ADAMTS10: variants seen among roughly 807,000 people sequenced by gnomAD.
The protein encoded by ADAMTS10 is A disintegrin and metalloproteinase with thrombospondin motifs 10.
A neutral mutation model predicts 135.9 loss-of-function variants in ADAMTS10; 48 were observed. The observed-to-expected ratio is 0.35, with a 90% CI of 0.28 to 0.45. ADAMTS10 has a LOEUF of 0.45. ADAMTS10 is among the 20% of genes least tolerant of loss of function. The pLI, the probability that ADAMTS10 is intolerant of heterozygous loss-of-function variation, is 1.00. For synonymous variants in ADAMTS10, 621 were observed against 647.5 expected, an observed-to-expected ratio of 0.96 and a Z score of 0.62; for missense variants, 1,131 against 1,565.2, an observed-to-expected ratio of 0.72 and a Z score of 4.68.
intron 15 of ADAMTS10, among the ~76,000 whole-genome samples, chr19:8,590,436 G>C (rs1555738648): frequency 2.0e-5 from 3 of 151,918 alleles, no homozygotes; most frequent in African/African-American, 7.3e-5. Context: ...ACTATGCCTG[G>C]CTAATTTTTG....
intron 1 of ADAMTS10, 152 bp from the exon 2 acceptor site, chr19:8,608,400 C>T (rs1407951227): frequency 1.3e-5 from 2 of 152,228 alleles, no homozygotes; most frequent in African/African-American, 4.8e-5. Context: ...TCCTAATGAA[C>T]CCCCTCCAAC....
At chr19:8,584,782 A>G (rs2042400613) in intron 25 of ADAMTS10, 113 bp downstream of exon 25, 22 of 1,406,642 alleles carry the variant, frequency 1.6e-5, no homozygotes, top group Non-Finnish European at 1.8e-5. Context: ...GAGACACAGC[A>G]ATGCATTTCC....
intron 18 of ADAMTS10, 41 bp downstream of exon 18, chr19:8,589,201 G>C: frequency 6.2e-7 from 1 of 1,610,904 alleles, no homozygotes; most frequent in Non-Finnish European, 8.5e-7. Flanking sequence ...CAGTCAGCTG[G>C]CCCATGCAGG....
At chr19:8,592,137 G>C (rs1555739134) in intron 13 of ADAMTS10, 34 bp from the exon 14 acceptor site, 3 of 1,613,246 alleles carry the variant, frequency 1.9e-6, no homozygotes, top group East Asian at 4.5e-5. Flanking sequence ...AGTGAGTCCA[G>C]CCCGGAGGAC....
At chr19:8,594,340 C>T (rs923683739) in intron 12 of ADAMTS10, among the ~76,000 whole-genome samples, 2 of 152,176 alleles carry the variant, frequency 1.3e-5, no homozygotes, top group Non-Finnish European at 2.9e-5. Context: ...TAAGAAAGGA[C>T]TTGCACCAAT....
rs947973449 is a variant in ADAMTS10, at chr19:8,600,812, C to T, written c.810+116G>A. 22 of 1,352,760 alleles carry T rather than the reference C, an allele frequency of 1.6e-5. No homozygotes were observed. The South Asian group carries it at 2.4e-4, about 15-fold the overall frequency. 83.8% of individuals were successfully genotyped at this position (1,352,760 alleles called of 1,614,324 possible). ...CGCGCCCGGCCTGCAACCTTCCTTT[C>T]TACCCCTGTCCCCACGTCAGGGATT... On this transcript the variant is annotated intron_variant, in intron 6 of 25. Transcript: ENST00000597188.
rs2042482953 is a variant in ADAMTS10, at chr19:8,589,228, C to G, written c.2158+14G>C. 2 of 1,612,222 alleles carry G rather than the reference C, an allele frequency of 1.2e-6. No individual in the cohort carries two copies. The highest frequency in any genetic ancestry group is 1.7e-6 in the Non-Finnish European group (2 of 1,179,970). ...CCATGCAGGGAGTGTGGGAGGGAAG[C>G]TGGAGACTCTCACCGGCCCCAGGTG... is the stretch of plus-strand genomic sequence containing the variant. On this transcript the variant is annotated intron_variant, in intron 18 of 25. Coordinates refer to ENST00000597188, the MANE Select transcript of ADAMTS10 (RefSeq NM_030957.4).
rs1555742522 is a variant in ADAMTS10 at position 8,605,762 on chromosome 19, C to A, written c.-52G>T. Reference sequence around the variant, plus strand: ...CCCAGCCCCGGCTGCCGGCAGCCCCCACAGTGCCGCCTCCCCTGTTCACAG... The same window carrying A: ...CCCAGCCCCGGCTGCCGGCAGCCCCAACAGTGCCGCCTCCCCTGTTCACAG... On this transcript the variant is annotated 5_prime_UTR_variant, in exon 3 of 26. Coordinates refer to ENST00000597188, the MANE Select transcript of ADAMTS10 (RefSeq NM_030957.4). The surrounding 1 kb of genome is among the most constrained non-coding windows in gnomAD (Gnocchi z 7.7). 2 of 1,556,334 alleles carry A rather than the reference C, an allele frequency of 1.3e-6. No individual in the cohort carries two copies. Among genetic ancestry groups the A allele is most frequent in the Non-Finnish European group, 1.7e-6 (2 of 1,154,886 alleles).
chr19:8,597,392 T>C, intron 6 of ADAMTS10, 75 bp from the exon 7 acceptor site: 2 of 1,348,438 alleles, frequency 1.5e-6, no homozygotes, highest in Non-Finnish European at 2.1e-6. Flanking sequence ...AAAACAATGA[T>C]AACAGCTTGC....
rs1454068946 is a variant in ADAMTS10 at position 8,580,444 on chromosome 19, CCCT to C, written c.*446_*448del. 4 of 171,198 alleles carry C rather than the reference CCCT, an allele frequency of 2.3e-5. No individual in the cohort carries two copies. The highest frequency in any genetic ancestry group is 1.2e-4 in the Admixed American group (2 of 17,024). 10.6% of individuals were successfully genotyped at this position (171,198 alleles called of 1,614,324 possible). A position where few individuals can be genotyped will look rare whatever the true frequency, so the allele number is the denominator to read the frequency against. On this transcript the variant is annotated 3_prime_UTR_variant, in exon 26 of 26. Transcript: ENST00000597188. The stretch of plus-strand genomic sequence containing the variant: ...GTCAGGGAGGTGGTGCTACCCCCCC[CCCT>C]CCCATAGCAGACACAGATTCCCCCC...
chr19:8,609,756 G>A (rs998509023), intron 1 of ADAMTS10, among the ~76,000 whole-genome samples: 1 of 152,076 alleles, frequency 6.6e-6, no homozygotes, highest in East Asian at 1.9e-4. Context: ...AGTGGGCGGC[G>A]CCACTCCCAC....
At chr19:8,591,473 G>A (rs1453793416) in intron 15 of ADAMTS10, among the ~76,000 whole-genome samples, 2 of 145,714 alleles carry the variant, frequency 1.4e-5, no homozygotes, top group South Asian at 2.1e-4. Context: ...ATGGAGTTTC[G>A]CTCTGTCACC....
intron 13 of ADAMTS10, among the ~76,000 whole-genome samples, chr19:8,592,533 G>C (rs1464718231): frequency 2.0e-5 from 3 of 151,162 alleles, no homozygotes; most frequent in Non-Finnish European, 4.4e-5. Context: ...ACGCGGGAGG[G>C]AGTTAAACAG....
intron 12 of ADAMTS10, chr19:8,593,384 G>A (rs2042566624): frequency 6.0e-6 from 1 of 166,274 alleles, no homozygotes; most frequent in African/African-American, 2.4e-5. Flanking sequence ...CCTGGATGAT[G>A]ACTAGGCCAA....
chr19:8,599,304 C>T (rs923107105), intron 6 of ADAMTS10, among the ~76,000 whole-genome samples: 22 of 148,842 alleles, frequency 1.5e-4, no homozygotes, highest in African/African-American at 2.4e-4. Context: ...CTAACCTCAA[C>T]GAGTACCTGT....
chr19:8,586,003 G>T, intron 22 of ADAMTS10, 119 bp downstream of exon 22: 1 of 1,520,546 alleles, frequency 6.6e-7, no homozygotes, highest in Non-Finnish European at 9.0e-7. Context: ...GCAGCACTCG[G>T]CCCACTGTCA....
intron 1 of ADAMTS10, among the ~76,000 whole-genome samples, chr19:8,609,853 C>T (rs963982973): frequency 6.6e-6 from 1 of 151,868 alleles, no homozygotes; most frequent in Non-Finnish European, 1.5e-5. Flanking sequence ...CCACAAAAGA[C>T]GCAGGACGCC....
rs889412747 is a variant in ADAMTS10, at chr19:8,603,861, C to T, written c.459G>A (p.Glu153=). The change falls in exon 5 of 26, where the codon GAG becomes GAA. Residue 153 remains glutamate (E), a synonymous_variant. Transcript: ENST00000597188. ...GCAGGGGCTCAATCAGGTACTCTTC[C>T]TCGTCTGCCACGATCAGGCCGTGCT... ...GGLHGLIVAD[E]EEYLIEPLHG... is the part of the protein sequence containing the mutation. 1.2e-6 allele frequency: 2 copies of T among 1,612,948 alleles called. No individual in the cohort carries two copies. The highest frequency in any genetic ancestry group is 4.5e-5 in the East Asian group (2 of 44,844).
intron 6 of ADAMTS10, among the ~76,000 whole-genome samples, chr19:8,599,819 A>G (rs1855286853): frequency 6.6e-6 from 1 of 151,808 alleles, no homozygotes; most frequent in South Asian, 2.1e-4. Flanking sequence ...TATGTTTCCC[A>G]GGCTGCTGTG....
Sources: gnomAD v4.1 joint callset for allele counts (sites outside exome capture counted in the v4.1 genomes callset) on GRCh38, gnomAD v4.1.1 for gene constraint, Gnocchi (gnomAD v3.1) non-coding constraint, MANE v1.5 for transcripts, NCBI Gene and HGNC (gene_info 2026-07-23, HGNC 2026-07-21) for gene names.